The following TRHDE variants were observed in gnomAD, a reference collection of about 807,000 sequenced individuals.
The protein encoded by TRHDE is thyrotropin-releasing hormone-degrading ectoenzyme.
In TRHDE, 72 loss-of-function variants were observed where a neutral mutation model predicts 125.7. The ratio of observed to expected loss-of-function variants is 0.57; its 90% confidence interval spans 0.47 to 0.70. The LOEUF (loss-of-function observed/expected upper bound fraction) is 0.70, where lower values mean the gene tolerates loss of function less well. Ranked by LOEUF, TRHDE falls within the 30% of genes least tolerant of loss-of-function variation. The pLI is 0.00. For missense variants in TRHDE, 1,110 were observed against 1,327.1 expected (o/e 0.84, Z 2.54); for synonymous variants, 509 against 509.1 (o/e 1.00, Z 0.00).
At chr12:72,465,901 G>A (rs1023985970) in intron 3 of TRHDE, among the ~76,000 whole-genome samples, 5 of 152,052 alleles carry the variant, frequency 3.3e-5, no homozygotes, top group Non-Finnish European at 5.9e-5. Flanking sequence ...TATAATCATG[G>A]TTCCTCATAT....
rs1187381736 is a variant in TRHDE at position 72,597,699 on chromosome 12, A to ATG, written c.2322-21182_2322-21181dup. 9.1e-4 allele frequency among the ~76,000 whole-genome samples: 60 copies of ATG among 66,200 alleles called. 2 individuals are homozygous for ATG. The highest frequency in any genetic ancestry group is 8.3e-3 in the African/African-American group (57 of 6,846). 43.4% of individuals were successfully genotyped at this position (66,200 alleles called of 152,430 possible). A position where few individuals can be genotyped will look rare whatever the true frequency, so the allele number is the denominator to read the frequency against. ...AAAAAAAACTAAGAGAGGTATATATATGTGTGTGTGTATGTATATATATAT... is the reference window on the plus strand; with the variant it reads ...AAAAAAAACTAAGAGAGGTATATATATGTGTGTGTGTGTATGTATATATATAT... On this transcript the variant is annotated intron_variant, in intron 12 of 18. Transcript: ENST00000261180.
chr12:72,448,085 T>C (rs1018029591), intron 3 of TRHDE, among the ~76,000 whole-genome samples: 1 of 152,118 alleles, frequency 6.6e-6, no homozygotes, highest in African/African-American at 2.4e-5. Flanking sequence ...TATTTGTTGT[T>C]TTGAAAGCCT....
rs370446638 is a variant in TRHDE, at chr12:72,102,012, C to A, written n.175-3636C>A. ...AAATACATAGATTCTTTCTTTTTGC[C>A]TCTTCCTGTCTGAATCTTTGCTTAA... On this transcript the variant is annotated intron_variant and non_coding_transcript_variant, in intron 1 of 4. Coordinates refer to the TRHDE transcript ENST00000548156. 2.6e-4 allele frequency among the ~76,000 whole-genome samples: 39 copies of A among 152,104 alleles called. No individual in the cohort carries two copies. The East Asian group carries it at 6.8e-3, about 26-fold the overall frequency.
At chr12:72,239,424 C>T (rs1195068434) in intron 2 of TRHDE, among the ~76,000 whole-genome samples, 3 of 152,128 alleles carry the variant, frequency 2.0e-5, no homozygotes, top group African/African-American at 4.8e-5. Flanking sequence ...GCTTGTGTTG[C>T]CACAGCTTTT....
chr12:72,163,608 C>T (rs1026236911), intron 2 of TRHDE, among the ~76,000 whole-genome samples: 1 of 152,108 alleles, frequency 6.6e-6, no homozygotes, highest in Non-Finnish European at 1.5e-5. Flanking sequence ...ACACAATTAC[C>T]AGAGATGTGG....
chr12:72,438,004 A>G (rs1874821405), intron 3 of TRHDE, among the ~76,000 whole-genome samples: 1 of 151,774 alleles, frequency 6.6e-6, no homozygotes, highest in Non-Finnish European at 1.5e-5. Context: ...TAGATTTCAT[A>G]TGTGAGTGAG....
At chr12:72,240,273 G>C (rs1346381024) in intron 2 of TRHDE, among the ~76,000 whole-genome samples, 1 of 148,888 alleles carries the variant, frequency 6.7e-6, no homozygotes, top group East Asian at 1.9e-4. Flanking sequence ...AATAAAAACT[G>C]CTAACATTTC....
intron 2 of TRHDE, among the ~76,000 whole-genome samples, chr12:72,112,660 A>G (rs1298560903): frequency 2.0e-5 from 3 of 152,314 alleles, no homozygotes; most frequent in South Asian, 2.1e-4. Flanking sequence ...TTAATCTGAT[A>G]TGGTTAACAT....
intron 1 of TRHDE, among the ~76,000 whole-genome samples, chr12:72,285,683 G>A (rs1879858319): frequency 6.6e-6 from 1 of 151,890 alleles, no homozygotes; most frequent in African/African-American, 2.4e-5. Context: ...ACCATGCCCA[G>A]CTAATTTTTG....
chr12:72,288,128 T>A (rs1158852035), intron 2 of TRHDE, among the ~76,000 whole-genome samples: 1 of 152,172 alleles, frequency 6.6e-6, no homozygotes, highest in Admixed American at 6.5e-5. Flanking sequence ...TTCACTTGTG[T>A]GTCTGTAGGA....
intron 12 of TRHDE, among the ~76,000 whole-genome samples, chr12:72,587,490 T>C (rs1871489695): frequency 6.6e-6 from 1 of 152,126 alleles, no homozygotes; most frequent in Non-Finnish European, 1.5e-5. Context: ...AGATGAATTA[T>C]CTGAAAGTAA....
At chr12:72,578,553 TTA>T (rs1156534566) in intron 12 of TRHDE, among the ~76,000 whole-genome samples, 3 of 152,184 alleles carry the variant, frequency 2.0e-5, no homozygotes, top group Admixed American at 6.6e-5. Context: ...GTTACAGCAA[TTA>T]TCACCTTATT....
intron 2 of TRHDE, among the ~76,000 whole-genome samples, chr12:72,132,469 G>GT (rs1875886937): frequency 6.6e-6 from 1 of 152,132 alleles, no homozygotes; most frequent in East Asian, 1.9e-4. Flanking sequence ...AATTAAAAGA[G>GT]TACAGCCTCA....
chr12:72,520,615 G>A (rs1041465548), intron 6 of TRHDE, among the ~76,000 whole-genome samples: 2 of 152,166 alleles, frequency 1.3e-5, no homozygotes, highest in South Asian at 2.1e-4. Context: ...TGTTGCTCAC[G>A]CTGGGAGCTG....
chr12:72,276,790 A>G (rs1302637170), intron 1 of TRHDE, among the ~76,000 whole-genome samples: 1 of 152,212 alleles, frequency 6.6e-6, no homozygotes, highest in East Asian at 1.9e-4. Flanking sequence ...TCTACACACC[A>G]ATAAGTAAAT....
intron 2 of TRHDE, among the ~76,000 whole-genome samples, chr12:72,354,668 T>A (rs1349849569): frequency 6.7e-6 from 1 of 148,890 alleles, no homozygotes; most frequent in African/African-American, 2.4e-5. Flanking sequence ...TAAATTATTT[T>A]AAATAATTTT....
intron 7 of TRHDE, among the ~76,000 whole-genome samples, chr12:72,542,870 A>C (rs1869223483): frequency 6.6e-6 from 1 of 151,370 alleles, no homozygotes; most frequent in South Asian, 2.1e-4. Flanking sequence ...AGGAAGAAAA[A>C]GATACAGTTT....
intron 2 of TRHDE, among the ~76,000 whole-genome samples, chr12:72,346,443 T>C (rs1870331431): frequency 6.6e-6 from 1 of 150,462 alleles, no homozygotes; most frequent in African/African-American, 2.5e-5. Flanking sequence ...AACATAGAGC[T>C]GTTGGGTCTG....
chr12:72,200,899 G>A (rs763426131), intron 2 of TRHDE, among the ~76,000 whole-genome samples: 8 of 152,202 alleles, frequency 5.3e-5, no homozygotes, highest in Non-Finnish European at 1.2e-4. Context: ...CAATCTTGTT[G>A]GTGTGGGGTC....
Sources: allele counts gnomAD v4.1 joint callset (sites outside exome capture counted in the v4.1 genomes callset), GRCh38; gene constraint gnomAD v4.1.1; transcripts MANE v1.5; gene names NCBI Gene and HGNC (gene_info 2026-07-23, HGNC 2026-07-21).